Variants in MARCHF1 observed in about 807,000 individuals in gnomAD.
MARCHF1 encodes E3 ubiquitin-protein ligase MARCHF1.
A neutral mutation model predicts 54.2 loss-of-function variants in MARCHF1; 40 were observed. The observed-to-expected ratio is 0.74, with a 90% CI of 0.57 to 0.96. The LOEUF (loss-of-function observed/expected upper bound fraction) is 0.96, where lower values mean the gene tolerates loss of function less well. MARCHF1 is among the 40% of genes least tolerant of loss of function. The pLI is 0.00. For synonymous variants in MARCHF1, 236 were observed against 236.3 expected, an observed-to-expected ratio of 1.00 and a Z score of 0.01; for missense variants, 586 against 656.5, an observed-to-expected ratio of 0.89 and a Z score of 1.17.
intron 1 of MARCHF1, among the ~76,000 whole-genome samples, chr4:164,220,791 C>CT (rs1200597034): frequency 6.9e-6 from 1 of 144,928 alleles, no homozygotes; most frequent in Non-Finnish European, 1.5e-5. Context: ...GGAAATAATA[C>CT]TTTCTGAAAA....
intron 1 of MARCHF1, among the ~76,000 whole-genome samples, chr4:164,335,930 C>A (rs976650420): frequency 1.3e-5 from 2 of 152,024 alleles, no homozygotes; most frequent in African/African-American, 4.8e-5. Flanking sequence ...ATCAATCAGG[C>A]AAGCTTAGTA....
chr4:163,539,001 T>TTTATTTA (rs1738630497), intron 9 of MARCHF1, among the ~76,000 whole-genome samples: 303 of 149,100 alleles, frequency 2.0e-3, no homozygotes, highest in African/African-American at 7.3e-3. Context: ...CTCCTGATGC[T>TTTATTTA]TTTATTTATT....
chr4:163,531,007 A>C (rs1738328640), intron 9 of MARCHF1, among the ~76,000 whole-genome samples: 1 of 151,922 alleles, frequency 6.6e-6, no homozygotes, highest in Non-Finnish European at 1.5e-5. Context: ...AACCTTTCAG[A>C]GCAGAAAGCA....
At chr4:163,609,438 G>C (rs4691096) in intron 7 of MARCHF1, among the ~76,000 whole-genome samples, 113,083 of 151,742 alleles carry the variant, frequency 0.75, 43,855 homozygotes, top group Non-Finnish European at 0.85. Flanking sequence ...CTTGGTGGAA[G>C]GCTAATTTGC....
At chr4:163,653,952 T>A (rs1220060771) in intron 5 of MARCHF1, among the ~76,000 whole-genome samples, 2 of 151,702 alleles carry the variant, frequency 1.3e-5, no homozygotes, top group Admixed American at 1.3e-4. Context: ...TGAGTATAGA[T>A]AGGAAAGAGA....
At chr4:163,810,833 T>C (rs1560765758) in intron 4 of MARCHF1, among the ~76,000 whole-genome samples, 1 of 152,184 alleles carries the variant, frequency 6.6e-6, no homozygotes, top group Non-Finnish European at 1.5e-5. Flanking sequence ...AGAAGTCACG[T>C]TGAAGCCATT....
chr4:164,122,474 A>G (rs575418592), intron 1 of MARCHF1, among the ~76,000 whole-genome samples: 1 of 152,086 alleles, frequency 6.6e-6, no homozygotes, highest in Non-Finnish European at 1.5e-5. Flanking sequence ...ATCAACTGGA[A>G]AGCCCATTTG....
intron 4 of MARCHF1, among the ~76,000 whole-genome samples, chr4:163,702,433 G>A (rs770779587): frequency 6.6e-6 from 1 of 152,164 alleles, no homozygotes; most frequent in Non-Finnish European, 1.5e-5. Context: ...TAGGCTTTGG[G>A]AGAGACTGGT....
chr4:163,920,563 AC>A (rs1261222812), intron 3 of MARCHF1, among the ~76,000 whole-genome samples: 1 of 152,028 alleles, frequency 6.6e-6, no homozygotes, highest in Non-Finnish European at 1.5e-5. Flanking sequence ...CAGACTGCTG[AC>A]CCTATGCTAC....
intron 3 of MARCHF1, among the ~76,000 whole-genome samples, chr4:163,942,385 A>T (rs1751930337): frequency 6.6e-6 from 1 of 152,208 alleles, no homozygotes; most frequent in African/African-American, 2.4e-5. Flanking sequence ...TAGCTCGTCA[A>T]GTCTTACACC....
chr4:163,615,541 A>G (rs527933492), intron 5 of MARCHF1, among the ~76,000 whole-genome samples: 1 of 151,992 alleles, frequency 6.6e-6, no homozygotes, highest in African/African-American at 2.4e-5. Context: ...GCTCTCTACA[A>G]TGGAAAGTAC....
intron 1 of MARCHF1, among the ~76,000 whole-genome samples, chr4:164,155,682 G>A (rs28614082): frequency 2.0e-4 from 30 of 152,168 alleles, no homozygotes; most frequent in African/African-American, 7.2e-4. Context: ...TTGGTGGGGG[G>A]AAGGGATGAG....
chr4:164,249,797 C>T (rs1733072118), intron 1 of MARCHF1, among the ~76,000 whole-genome samples: 1 of 149,942 alleles, frequency 6.7e-6, no homozygotes, highest in South Asian at 2.1e-4. Context: ...AGAGTTCATG[C>T]ATTTGATGAG....
intron 1 of MARCHF1, chr4:164,197,628 C>T (rs761062851): frequency 1.2e-6 from 2 of 1,612,956 alleles, no homozygotes; most frequent in African/African-American, 2.7e-5. Flanking sequence ...CTTCATTCGA[C>T]CGACTGTTGT....
intron 8 of MARCHF1, among the ~76,000 whole-genome samples, chr4:163,573,779 G>A (rs1739933212): frequency 1.3e-5 from 2 of 152,082 alleles, no homozygotes; most frequent in Admixed American, 1.3e-4. Flanking sequence ...ACATACGTGT[G>A]CATGTGTCTT....
At chr4:163,690,163 T>C (rs529510059) in intron 5 of MARCHF1, among the ~76,000 whole-genome samples, 3 of 152,326 alleles carry the variant, frequency 2.0e-5, no homozygotes, top group South Asian at 4.2e-4. Context: ...CCCATTGTGT[T>C]TGATTTGTGA....
chr4:163,975,774 G>A (rs1752637966), intron 3 of MARCHF1, among the ~76,000 whole-genome samples: 1 of 152,142 alleles, frequency 6.6e-6, no homozygotes, highest in Non-Finnish European at 1.5e-5. Context: ...AGGGCCTTAG[G>A]TCCAGCAGCC....
intron 2 of MARCHF1, among the ~76,000 whole-genome samples, chr4:164,096,602 G>T (rs998454763): frequency 6.6e-6 from 1 of 151,800 alleles, no homozygotes; most frequent in Non-Finnish European, 1.5e-5. Context: ...TGCCTCCAGA[G>T]TCCTTCTCTT....
chr4:163,646,981 A>G (rs996373972), intron 5 of MARCHF1, among the ~76,000 whole-genome samples: 1 of 152,138 alleles, frequency 6.6e-6, no homozygotes, highest in African/African-American at 2.4e-5. Flanking sequence ...AATAAATAAA[A>G]GAATAAGACC....
Sources: gnomAD v4.1 joint callset for allele counts (sites outside exome capture counted in the v4.1 genomes callset) on GRCh38, gnomAD v4.1.1 for gene constraint, MANE v1.5 for transcripts, NCBI Gene and HGNC (gene_info 2026-07-23, HGNC 2026-07-21) for gene names.